YTHDF2: variants seen among roughly 807,000 people sequenced by gnomAD.
YTHDF2 encodes YTH domain-containing family protein 2.
YTHDF2 carries 2 observed loss-of-function variants against 50.4 expected under a neutral mutation model. That is an observed-to-expected ratio of 0.04 (90% confidence interval 0.02 to 0.12). The LOEUF (loss-of-function observed/expected upper bound fraction) is 0.12, where lower values mean the gene tolerates loss of function less well. Among genes scored for constraint, YTHDF2 ranks in the 10% least tolerant of loss-of-function variants. YTHDF2 has a pLI of 1.00. For missense variants in YTHDF2, 483 were observed against 722.6 expected, an observed-to-expected ratio of 0.67 and a Z score of 3.80; for synonymous variants, 217 against 255.6, an observed-to-expected ratio of 0.85 and a Z score of 1.44.
At chr1:28,740,754 A>T (rs1380654051) in intron 3 of YTHDF2, among the ~76,000 whole-genome samples, 1 of 152,156 alleles carries the variant, frequency 6.6e-6, no homozygotes, top group Non-Finnish European at 1.5e-5. Flanking sequence ...CCCAGGCTGT[A>T]GTGCAGTGGT....
At chr1:28,768,855 C>A in intron 4 of YTHDF2, 74 bp from the exon 5 acceptor site, 1 of 1,138,552 alleles carries the variant, frequency 8.8e-7, no homozygotes, top group Non-Finnish European at 1.3e-6. Flanking sequence ...TTGAGTTATT[C>A]TGTGAAGTTT....
In YTHDF2 at chr1:28,737,159, G is replaced by T. The variant is rs2087701703; in HGVS notation, c.27+12G>T. 6.3e-7 allele frequency: 1 copy of T among 1,585,694 alleles called. No homozygotes were observed. Among genetic ancestry groups the T allele is most frequent in the East Asian group, 2.3e-5 (1 of 43,038 alleles). ...GCCTCTTGGAGCAGGTACAGGCCCG[G>T]CCCGCATGCCTCGGCCATTGTGTGA... On this transcript the variant is annotated intron_variant, in intron 1 of 4. Transcript: ENST00000373812.
chr1:28,755,412 AT>A (rs935850585), intron 4 of YTHDF2, among the ~76,000 whole-genome samples: 16 of 152,226 alleles, frequency 1.1e-4, no homozygotes, highest in African/African-American at 3.9e-4. Flanking sequence ...TTGAATATAT[AT>A]TTAAATGTAT....
At chr1:28,762,332 C>CA (rs2124204656) in intron 4 of YTHDF2, among the ~76,000 whole-genome samples, 1 of 152,286 alleles carries the variant, frequency 6.6e-6, no homozygotes, top group East Asian at 1.9e-4. Context: ...GTGGAGCTTG[C>CA]AGTGAGTGGA....
At chr1:28,762,716 C>T (rs1190764463) in intron 4 of YTHDF2, among the ~76,000 whole-genome samples, 2 of 152,274 alleles carry the variant, frequency 1.3e-5, no homozygotes, top group South Asian at 2.1e-4. Context: ...GCTAAATAGG[C>T]AGATTTACTG....
intron 4 of YTHDF2, among the ~76,000 whole-genome samples, chr1:28,761,526 T>C (rs977630984): frequency 2.0e-4 from 31 of 152,108 alleles, no homozygotes; most frequent in African/African-American, 7.5e-4. Flanking sequence ...TCACCTGAGG[T>C]TGGGAGTTCG....
At position 28,743,318 on chromosome 1, in the gene YTHDF2, C is replaced by T; in HGVS notation, c.1048C>T (p.Arg350Cys). 1 of 1,614,108 alleles carries T rather than the reference C, an allele frequency of 6.2e-7. No homozygotes were observed. The highest frequency in any genetic ancestry group is 1.1e-5 in the South Asian group (1 of 91,076). ...CCAGCAACAGGCAGCTCAGCCAACCCGCTGGGTAGCACCTCGGAACCGTGG... is the reference window on the plus strand; with the variant it reads ...CCAGCAACAGGCAGCTCAGCCAACCTGCTGGGTAGCACCTCGGAACCGTGG... ...SVQQQAAQPT[R>C]WVAPRNRGSG... The change falls in exon 4 of 5, where the codon CGC becomes TGC. Residue 350 changes from arginine (R) to cysteine (C), a missense_variant. Arg to Cys is a radical substitution (Grantham distance 180). Coordinates refer to ENST00000373812, the MANE Select transcript of YTHDF2 (RefSeq NM_016258.3). This position sits in a 1 kb window ranked among gnomAD's most constrained non-coding sequence, Gnocchi z 6.9.
upstream of YTHDF2, chr1:28,736,776 C>T (rs901626622): frequency 1.3e-5 from 4 of 314,296 alleles, no homozygotes; most frequent in Non-Finnish European, 1.2e-5. Flanking sequence ...CTCTCCCTTC[C>T]CGGGGTTCTT....
At chr1:28,740,651 T>G (rs1429985186) in intron 3 of YTHDF2, among the ~76,000 whole-genome samples, 2 of 152,218 alleles carry the variant, frequency 1.3e-5, no homozygotes, top group African/African-American at 4.8e-5. Context: ...GTGAGAAATT[T>G]TAAATGTGAA....
At chr1:28,767,631 C>T (rs1302395090) in intron 4 of YTHDF2, among the ~76,000 whole-genome samples, 2 of 152,052 alleles carry the variant, frequency 1.3e-5, no homozygotes, top group East Asian at 3.9e-4. Flanking sequence ...GCCTGAGCCT[C>T]CTGAGTAGCT....
chr1:28,738,916 G>A (rs2087736356), intron 3 of YTHDF2, among the ~76,000 whole-genome samples: 1 of 152,144 alleles, frequency 6.6e-6, no homozygotes, highest in African/African-American at 2.4e-5. Context: ...TATTGAGAAC[G>A]TAATACTGAT....
chr1:28,761,880 T>G (rs1489579796), intron 4 of YTHDF2, among the ~76,000 whole-genome samples: 1 of 152,136 alleles, frequency 6.6e-6, no homozygotes, highest in African/African-American at 2.4e-5. Context: ...TTGCTTTAAA[T>G]TGGAGAACTG....
chr1:28,745,734 C>G (rs1250648618), intron 4 of YTHDF2, among the ~76,000 whole-genome samples: 3 of 122,158 alleles, frequency 2.5e-5, no homozygotes, highest in South Asian at 3.6e-4. Context: ...GCCCCCCCCC[C>G]CCAAAAAAAA....
chr1:28,749,208 G>A (rs2087910642), intron 4 of YTHDF2, among the ~76,000 whole-genome samples: 1 of 128,142 alleles, frequency 7.8e-6, no homozygotes, highest in East Asian at 2.2e-4. Context: ...TTTTTGATAC[G>A]GGAGTCTCAG....
chr1:28,736,784 C>T (rs1194545734), upstream of YTHDF2: 2 of 320,856 alleles, frequency 6.2e-6, no homozygotes, highest in Non-Finnish European at 1.2e-5. Flanking sequence ...TCCCGGGGTT[C>T]TTCGCGCCGG....
chr1:28,738,576 G>C (rs1305456408), intron 3 of YTHDF2, among the ~76,000 whole-genome samples: 1 of 152,056 alleles, frequency 6.6e-6, no homozygotes, highest in Non-Finnish European at 1.5e-5. Flanking sequence ...TCCCGAGTAG[G>C]TGGGATTACA....
chr1:28,738,412 C>A, intron 3 of YTHDF2, 74 bp downstream of exon 3: 1 of 1,256,404 alleles, frequency 8.0e-7, no homozygotes, highest in South Asian at 1.3e-5. Context: ...CCAATAAATC[C>A]CATTTTCTGA....
At chr1:28,746,617 G>A (rs1290369044) in intron 4 of YTHDF2, among the ~76,000 whole-genome samples, 3 of 151,938 alleles carry the variant, frequency 2.0e-5, no homozygotes, top group Non-Finnish European at 4.4e-5. Context: ...AAAATTAGCT[G>A]GGTGTGGTTG....
intron 4 of YTHDF2, among the ~76,000 whole-genome samples, chr1:28,764,052 C>G (rs975271163): frequency 3.3e-5 from 5 of 150,976 alleles, no homozygotes; most frequent in Non-Finnish European, 5.9e-5. Flanking sequence ...CAGGTTCAAG[C>G]GATTTTCCTG....
Sources: gnomAD v4.1 joint callset for allele counts (sites outside exome capture counted in the v4.1 genomes callset) on GRCh38, gnomAD v4.1.1 for gene constraint, Gnocchi (gnomAD v3.1) non-coding constraint, MANE v1.5 for transcripts, NCBI Gene and HGNC (gene_info 2026-07-23, HGNC 2026-07-21) for gene names.